DZIP3: variants seen among roughly 807,000 people sequenced by gnomAD.
The protein encoded by DZIP3 is DAZ interacting zinc finger protein 3, also known as E3 ubiquitin-protein ligase DZIP3.
In DZIP3, 118 loss-of-function variants were observed where a neutral mutation model predicts 162.0. The observed-to-expected ratio is 0.73, with a 90% CI of 0.63 to 0.85. The LOEUF (loss-of-function observed/expected upper bound fraction) is 0.85. Ranked by LOEUF, DZIP3 falls within the 40% of genes least tolerant of loss-of-function variation. The pLI, the probability that DZIP3 is intolerant of heterozygous loss-of-function variation, is 0.00. For missense variants in DZIP3, 1,331 were observed against 1,407.0 expected (o/e 0.95, Z 0.86); for synonymous variants, 438 against 458.6 (o/e 0.96, Z 0.57).
At chr3:108,605,215 G>C in intron 1 of DZIP3, 120 bp from the exon 2 acceptor site, 1 of 710,784 alleles carries the variant, frequency 1.4e-6, no homozygotes. Context: ...GCGAAACTAT[G>C]ATTCATTTTC....
intron 21 of DZIP3, among the ~76,000 whole-genome samples, chr3:108,667,930 T>C (rs1943749353): frequency 6.6e-6 from 1 of 152,088 alleles, no homozygotes; most frequent in Admixed American, 6.6e-5. Context: ...CAAGGCAGAA[T>C]GGACATAATG....
In DZIP3 at chr3:108,661,914, C is replaced by T. The variant is rs2107299769; in HGVS notation, c.2237C>T (p.Thr746Ile). 1 of 1,613,862 alleles carries T rather than the reference C, an allele frequency of 6.2e-7. No homozygotes were observed. The highest frequency in any genetic ancestry group is 8.5e-7 in the Non-Finnish European group (1 of 1,179,908). The change falls in exon 20 of 33, where the codon ACT becomes ATT. Residue 746 changes from threonine to isoleucine, a missense_variant. By Grantham distance (89) the Thr-to-Ile change is moderately conservative. This residue lies in a region of DZIP3 where 1,278 missense variants were observed against 1,317.1 expected (regional missense o/e 0.97). Transcript: ENST00000361582. The stretch of plus-strand genomic sequence containing the variant: ...AAAGTAACTACAGACTATGGAGAAA[C>T]TGAAAAGGAAAGGCTTGCTCGTCAA... ...AGKVTTDYGE[T>I]EKERLARQRQ...
chr3:108,654,271 T>A lies in DZIP3; in HGVS notation c.2160T>A (p.Tyr720Ter). 1.9e-6 allele frequency: 3 copies of A among 1,613,768 alleles called. No homozygotes were observed. Among genetic ancestry groups the A allele is most frequent in the Non-Finnish European group, 2.5e-6 (3 of 1,179,706 alleles). The change falls in exon 19 of 33, where the codon TAT (tyrosine) becomes TAA (stop). Residue 720 changes from tyrosine (Y) to a stop codon, truncating the protein, a stop_gained. Transcript: ENST00000361582. LOFTEE classifies it high-confidence loss of function. ...QEDSAMEDKF[Y>*]SLDELHILDM... is the part of the protein sequence containing the mutation. Reference sequence around the variant, plus strand: ...ATTCTGCAATGGAAGACAAGTTCTATAGCCTGGATGAATTGCATATTCTGG... The same window carrying A: ...ATTCTGCAATGGAAGACAAGTTCTAAAGCCTGGATGAATTGCATATTCTGG...
At position 108,616,302 on chromosome 3, in the gene DZIP3, AAAT is replaced by A. The variant is rs1385690996; in HGVS notation, c.259-236_259-234del. Reference sequence around the variant, plus strand: ...TAAATAAATAAATAAATAAATAAATAAATAAAATAAAATTTAAAATTGTTTTAA... The same window carrying A: ...TAAATAAATAAATAAATAAATAAATAAAAATAAAATTTAAAATTGTTTTAA... On this transcript the variant is annotated intron_variant, in intron 4 of 32. Transcript: ENST00000361582. Among the ~76,000 whole-genome samples the A allele has an allele frequency of 2.9e-4, 43 of 147,848 alleles. No individual in the cohort carries two copies. The East Asian group carries it at 8.1e-3, about 28-fold the overall frequency.
At chr3:108,634,484 A>G (rs1048161639) in intron 9 of DZIP3, among the ~76,000 whole-genome samples, 6 of 152,154 alleles carry the variant, frequency 3.9e-5, no homozygotes, top group East Asian at 1.9e-4. Flanking sequence ...ATGATTGGTA[A>G]CAGAGGGGAT....
At chr3:108,657,531 A>T (rs934154492) in intron 19 of DZIP3, among the ~76,000 whole-genome samples, 3 of 152,212 alleles carry the variant, frequency 2.0e-5, no homozygotes, top group Non-Finnish European at 4.4e-5. Context: ...GCAACTGCAA[A>T]AACATGCCAA....
At chr3:108,604,523 A>AT (rs1163379400) in intron 1 of DZIP3, among the ~76,000 whole-genome samples, 1 of 152,214 alleles carries the variant, frequency 6.6e-6, no homozygotes, top group Non-Finnish European at 1.5e-5. Flanking sequence ...ATGTAAATAA[A>AT]TATATATACT....
chr3:108,676,867 C>T (rs1003857512), intron 25 of DZIP3, among the ~76,000 whole-genome samples: 5 of 152,056 alleles, frequency 3.3e-5, no homozygotes, highest in Admixed American at 1.3e-4. Flanking sequence ...AGTTCCTACG[C>T]GTTCTTTACA....
chr3:108,631,583 C>CTTTTT (rs10708434), intron 8 of DZIP3, among the ~76,000 whole-genome samples: 1 of 101,362 alleles, frequency 9.9e-6, no homozygotes, highest in Non-Finnish European at 1.9e-5. Flanking sequence ...TTATTATTCC[C>CTTTTT]TTTTTTTTTT....
chr3:108,616,010 A>G (rs1940983131), intron 4 of DZIP3, among the ~76,000 whole-genome samples: 1 of 152,126 alleles, frequency 6.6e-6, no homozygotes, highest in African/African-American at 2.4e-5. Flanking sequence ...CACGCCTGTA[A>G]TCCCAGCACT....
At chr3:108,689,672 G>A (rs964753165) in intron 31 of DZIP3, among the ~76,000 whole-genome samples, 6 of 152,146 alleles carry the variant, frequency 3.9e-5, no homozygotes, top group African/African-American at 1.4e-4. Flanking sequence ...GGGTGATAGA[G>A]TGAGACTCCA....
intron 22 of DZIP3, among the ~76,000 whole-genome samples, chr3:108,671,254 AATG>A (rs967621986): frequency 6.6e-6 from 1 of 151,862 alleles, no homozygotes; most frequent in African/African-American, 2.4e-5. Flanking sequence ...GTCTAGCCTT[AATG>A]ATATTTATAA....
chr3:108,620,849 TCTCA>T (rs1200515839), intron 5 of DZIP3, among the ~76,000 whole-genome samples: 2 of 152,166 alleles, frequency 1.3e-5, no homozygotes, highest in African/African-American at 4.8e-5. Flanking sequence ...TGAGATGGAG[TCTCA>T]CTCTGTCACC....
intron 21 of DZIP3, among the ~76,000 whole-genome samples, chr3:108,662,645 T>G (rs924669442): frequency 6.6e-6 from 1 of 152,214 alleles, no homozygotes; most frequent in African/African-American, 2.4e-5. Context: ...ATGTTGGTCT[T>G]TCATTTGTGT....
chr3:108,646,858 T>C (rs982235729), intron 15 of DZIP3, among the ~76,000 whole-genome samples: 1 of 152,084 alleles, frequency 6.6e-6, no homozygotes, highest in East Asian at 1.9e-4. Context: ...TTGGCCAACA[T>C]GGTGAAACCC....
At chr3:108,660,414 C>T (rs1477824867) in intron 19 of DZIP3, among the ~76,000 whole-genome samples, 3 of 152,096 alleles carry the variant, frequency 2.0e-5, no homozygotes, top group Non-Finnish European at 4.4e-5. Context: ...ATAAATGGTG[C>T]TGGGAAAACT....
At chr3:108,609,997 C>CT (rs1940609361) in intron 3 of DZIP3, among the ~76,000 whole-genome samples, 1 of 152,040 alleles carries the variant, frequency 6.6e-6, no homozygotes, top group Admixed American at 6.5e-5. Flanking sequence ...ATTGGTCATT[C>CT]TTTATAAGGG....
intron 14 of DZIP3, among the ~76,000 whole-genome samples, chr3:108,646,080 A>G (rs9830866): frequency 0.019 from 2,895 of 152,212 alleles, 100 homozygotes; most frequent in African/African-American, 0.067. Context: ...GTTGCTTTTT[A>G]TTTGGATATC....
intron 2 of DZIP3, among the ~76,000 whole-genome samples, chr3:108,605,806 A>G (rs1038270540): frequency 2.6e-5 from 4 of 151,822 alleles, no homozygotes; most frequent in Admixed American, 6.5e-5. Flanking sequence ...TAGGTTGACA[A>G]AAACCAGCTG....
Sources: allele counts gnomAD v4.1 joint callset (sites outside exome capture counted in the v4.1 genomes callset), GRCh38; gene constraint gnomAD v4.1.1; regional missense constraint gnomAD v4.1.1; transcripts MANE v1.5; gene names NCBI Gene and HGNC (gene_info 2026-07-23, HGNC 2026-07-21).